APBA1: variants seen among roughly 807,000 people sequenced by gnomAD.
APBA1 encodes the protein amyloid-beta A4 precursor protein-binding family A member 1.
APBA1 carries 55 observed loss-of-function variants against 86.6 expected under a neutral mutation model. The observed-to-expected ratio is 0.64, with a 90% CI of 0.51 to 0.80. The LOEUF (loss-of-function observed/expected upper bound fraction) is 0.80, where lower values mean the gene tolerates loss of function less well. Ranked by LOEUF, APBA1 falls within the 30% of genes least tolerant of loss-of-function variation. The pLI, the probability that APBA1 is intolerant of heterozygous loss-of-function variation, is 0.00. For synonymous variants in APBA1, 511 were observed against 493.9 expected (o/e 1.03, Z -0.46); for missense variants, 1,090 against 1,183.0 (o/e 0.92, Z 1.15).
At chr9:69,619,128 G>C (rs1822764425) in intron 1 of APBA1, among the ~76,000 whole-genome samples, 1 of 152,136 alleles carries the variant, frequency 6.6e-6, no homozygotes, top group African/African-American at 2.4e-5. Context: ...CAGAGTATTT[G>C]TTATTTTGAG....
chr9:69,489,573 C>T (rs929698250), intron 2 of APBA1, among the ~76,000 whole-genome samples: 3 of 152,066 alleles, frequency 2.0e-5, no homozygotes, highest in African/African-American at 7.2e-5. Context: ...CCAACCTACT[C>T]ATCTGACAAA....
At chr9:69,646,524 T>C (rs913361331) in intron 1 of APBA1, among the ~76,000 whole-genome samples, 3 of 144,106 alleles carry the variant, frequency 2.1e-5, no homozygotes, top group African/African-American at 2.5e-5. Flanking sequence ...CCCACCCTAC[T>C]CCTCAACATC....
intron 1 of APBA1, among the ~76,000 whole-genome samples, chr9:69,625,838 G>A (rs1419612363): frequency 6.6e-6 from 1 of 152,078 alleles, no homozygotes; most frequent in Non-Finnish European, 1.5e-5. Context: ...ATATGTCACT[G>A]GGCTTGAGTT....
At chr9:69,496,869 C>A (rs531164811) in intron 2 of APBA1, among the ~76,000 whole-genome samples, 1 of 152,176 alleles carries the variant, frequency 6.6e-6, no homozygotes, top group Admixed American at 6.5e-5. Flanking sequence ...GAAAATTGCA[C>A]TGGTTTCCAT....
intron 1 of APBA1, among the ~76,000 whole-genome samples, chr9:69,590,518 G>C (rs942836860): frequency 2.0e-5 from 3 of 152,212 alleles, no homozygotes; most frequent in Non-Finnish European, 4.4e-5. Flanking sequence ...AGCAATCTGT[G>C]TGTGCAGATG....
Position 69,467,874 on chromosome 9 carries a change from A to G in APBA1, c.1431T>C (p.Pro477=), listed in dbSNP as rs771370637. 2 of 1,613,984 alleles carry G rather than the reference A, an allele frequency of 1.2e-6. No individual in the cohort carries two copies. The highest frequency in any genetic ancestry group is 3.3e-5 in the Admixed American group (2 of 59,992). The change falls in exon 5 of 13, where the codon CCT becomes CCC. Residue 477 remains proline, a synonymous_variant. Coordinates refer to ENST00000265381, the MANE Select transcript of APBA1 (RefSeq NM_001163.4). ...GSTQLLSDKT[P]SKNVRMMQAQ... ...CCTGCATCATGCGCACGTTTTTGGA[A>G]GGAGTTTTGTCTGAGAGCAGCTGAG...
intron 1 of APBA1, among the ~76,000 whole-genome samples, chr9:69,650,337 GC>G (rs1306320830): frequency 1.3e-5 from 2 of 152,140 alleles, no homozygotes; most frequent in Non-Finnish European, 2.9e-5. Flanking sequence ...ACAAACATTT[GC>G]CATGTTATTG....
At chr9:69,549,706 G>A (rs1311783876) in intron 1 of APBA1, among the ~76,000 whole-genome samples, 1 of 152,134 alleles carries the variant, frequency 6.6e-6, no homozygotes, top group Non-Finnish European at 1.5e-5. Flanking sequence ...TAAAGTGTCC[G>A]AGGAAGAAGA....
At chr9:69,620,653 G>T (rs1425660113) in intron 1 of APBA1, among the ~76,000 whole-genome samples, 4 of 152,022 alleles carry the variant, frequency 2.6e-5, no homozygotes, top group Non-Finnish European at 5.9e-5. Context: ...CTCCAGCCTG[G>T]GCGACAGAGC....
At chr9:69,622,045 A>T (rs1822829601) in intron 1 of APBA1, among the ~76,000 whole-genome samples, 1 of 152,160 alleles carries the variant, frequency 6.6e-6, no homozygotes, top group Admixed American at 6.5e-5. Flanking sequence ...GAGCATCAAA[A>T]TCAACTGGGG....
intron 1 of APBA1, among the ~76,000 whole-genome samples, chr9:69,564,060 A>G (rs573486236): frequency 6.6e-6 from 1 of 152,094 alleles, no homozygotes; most frequent in African/African-American, 2.4e-5. Context: ...GCAACTCCCC[A>G]AACTCCAAAT....
chr9:69,476,143 A>G lies in APBA1; in HGVS notation c.1201T>C (p.Ser401Pro), dbSNP rs1835441676. ...CDDQRPMDGDSPSPGSSSPLG... is the reference protein window; with the variant it reads ...CDDQRPMDGDPPSPGSSSPLG... ...GGGGAGGAGCTGCCAGGAGACGGAGACTAGAACACAGCAAGAGGAAACACA... is the reference window on the plus strand; with the variant it reads ...GGGGAGGAGCTGCCAGGAGACGGAGGCTAGAACACAGCAAGAGGAAACACA... The change falls in exon 3 of 13, where the codon TCT (serine) becomes CCT (proline). Residue 401 changes from serine to proline, a missense_variant and splice_region_variant. Ser to Pro is a moderately conservative substitution (Grantham distance 74). Transcript: ENST00000265381. The G allele has an allele frequency of 1.2e-6, 2 of 1,610,302 alleles. No homozygotes were observed. Among genetic ancestry groups the G allele is most frequent in the East Asian group, 4.5e-5 (2 of 44,864 alleles).
intron 1 of APBA1, among the ~76,000 whole-genome samples, chr9:69,637,274 A>T (rs1823199133): frequency 6.6e-6 from 1 of 152,194 alleles, no homozygotes; most frequent in African/African-American, 2.4e-5. Flanking sequence ...AAATATAGTT[A>T]GATAGAATAA....
intron 1 of APBA1, among the ~76,000 whole-genome samples, chr9:69,603,355 AAG>A (rs1168935018): frequency 1.3e-5 from 2 of 152,336 alleles, no homozygotes; most frequent in African/African-American, 4.8e-5. Context: ...TTTTGGAAGA[AAG>A]AATGTGTGTA....
At chr9:69,667,301 A>G (rs1243161799) in intron 1 of APBA1, among the ~76,000 whole-genome samples, 2 of 152,144 alleles carry the variant, frequency 1.3e-5, no homozygotes, top group African/African-American at 2.4e-5. Context: ...GTAGTTGTCA[A>G]ACTCCAATTA....
chr9:69,579,117 C>T (rs1821863915), intron 1 of APBA1, among the ~76,000 whole-genome samples: 1 of 151,936 alleles, frequency 6.6e-6, no homozygotes, highest in African/African-American at 2.4e-5. Context: ...CACTGAGGCA[C>T]CTCTGCTTGT....
At chr9:69,591,879 T>C (rs1436758091) in intron 1 of APBA1, among the ~76,000 whole-genome samples, 1 of 152,236 alleles carries the variant, frequency 6.6e-6, no homozygotes, top group Non-Finnish European at 1.5e-5. Context: ...CTTTTGTTAA[T>C]CTGATTTTTG....
chr9:69,597,730 T>C (rs1822258448), intron 1 of APBA1, among the ~76,000 whole-genome samples: 1 of 152,238 alleles, frequency 6.6e-6, no homozygotes, highest in Non-Finnish European at 1.5e-5. Context: ...TTTCTACATA[T>C]GGCTAGCCAG....
chr9:69,431,525 C>T, intron 12 of APBA1, 127 bp from the exon 13 acceptor site: 1 of 734,294 alleles, frequency 1.4e-6, no homozygotes, highest in Non-Finnish European at 2.2e-6. Context: ...CCCTACCGCC[C>T]AGCCACCACC....
Sources: gnomAD v4.1 joint callset for allele counts (sites outside exome capture counted in the v4.1 genomes callset) on GRCh38, gnomAD v4.1.1 for gene constraint, MANE v1.5 for transcripts, NCBI Gene and HGNC (gene_info 2026-07-23, HGNC 2026-07-21) for gene names.